CNTN1: variants seen among roughly 807,000 people sequenced by gnomAD.
The protein encoded by CNTN1 is contactin 1, also known as contactin-1.
Under a neutral mutation model 126.4 loss-of-function variants are expected in CNTN1, and 38 were observed. That is an observed-to-expected ratio of 0.30 (90% CI 0.23 to 0.39). The LOEUF (loss-of-function observed/expected upper bound fraction) is 0.39. Among genes scored for constraint, CNTN1 ranks in the 10% least tolerant of loss-of-function variants. The pLI is 1.00. For synonymous variants in CNTN1, 413 were observed against 422.6 expected (o/e 0.98, Z 0.28); for missense variants, 1,009 against 1,248.4 (o/e 0.81, Z 2.89).
At chr12:40,825,999 G>A (rs963321439) in intron 1 of CNTN1, among the ~76,000 whole-genome samples, 5 of 152,156 alleles carry the variant, frequency 3.3e-5, no homozygotes, top group Non-Finnish European at 5.9e-5. Context: ...TGTGAGAAAC[G>A]ATATTGGCTT....
At chr12:40,792,229 A>C (rs1213836736) in intron 1 of CNTN1, among the ~76,000 whole-genome samples, 1 of 152,050 alleles carries the variant, frequency 6.6e-6, no homozygotes, top group African/African-American at 2.4e-5. Flanking sequence ...GCAGCACCCA[A>C]ATCTCAGCTC....
chr12:40,758,138 C>G (rs1334629576), intron 1 of CNTN1, among the ~76,000 whole-genome samples: 2 of 150,010 alleles, frequency 1.3e-5, no homozygotes, highest in Non-Finnish European at 3.0e-5. Flanking sequence ...TAGTATGATT[C>G]TAATTGTTGC....
At chr12:40,961,608 C>T (rs958189635) in intron 15 of CNTN1, among the ~76,000 whole-genome samples, 4 of 151,752 alleles carry the variant, frequency 2.6e-5, no homozygotes, top group Non-Finnish European at 5.9e-5. Context: ...TAAAATTCTA[C>T]GTGTATGTAC....
At chr12:40,693,201 C>G (rs998637851) in intron 1 of CNTN1, among the ~76,000 whole-genome samples, 3 of 152,196 alleles carry the variant, frequency 2.0e-5, no homozygotes, top group South Asian at 4.1e-4. Context: ...AATTACGTCT[C>G]CGTTGAGAAG....
intron 1 of CNTN1, among the ~76,000 whole-genome samples, chr12:40,739,675 G>A (rs1937852012): frequency 6.6e-6 from 1 of 152,000 alleles, no homozygotes; most frequent in Non-Finnish European, 1.5e-5. Flanking sequence ...AGAAATAATT[G>A]AAACAAGTAT....
chr12:41,056,001 G>A lies in CNTN1; in HGVS notation c.2981-13958G>A, dbSNP rs553501817. 2.0e-5 allele frequency among the ~76,000 whole-genome samples: 3 copies of A among 152,104 alleles called. No homozygotes were observed. In the East Asian group the frequency reaches 5.8e-4, roughly 29 times the overall value. ...GAAGAGCCCTGATTCCTCCCGGCTT[G>A]GATTAAGTGGTACCCTAAATCCTAA... On this transcript the variant is annotated intron_variant, in intron 23 of 23. Coordinates refer to ENST00000551295, the MANE Select transcript of CNTN1 (RefSeq NM_001843.4).
At position 40,922,378 on chromosome 12, in the gene CNTN1, C is replaced by G; in HGVS notation, c.350C>G (p.Ser117Cys). The change falls in exon 5 of 24, where the codon TCT (serine) becomes TGT (cysteine). Residue 117 changes from serine to cysteine, a missense_variant. Coordinates refer to ENST00000551295, the MANE Select transcript of CNTN1 (RefSeq NM_001843.4). ...KDAGIYYCLA[S>C]NNYGMVRSTE... ...GCTGGAATATACTACTGTTTAGCAT[C>G]TAATAACTACGGGATGGTCAGAAGC... The G allele has an allele frequency of 6.2e-7, 1 of 1,614,044 alleles. No homozygotes were observed. Among genetic ancestry groups the G allele is most frequent in the Non-Finnish European group, 8.5e-7 (1 of 1,179,942 alleles).
intron 1 of CNTN1, among the ~76,000 whole-genome samples, chr12:40,887,586 C>A (rs894606079): frequency 4.0e-4 from 61 of 151,926 alleles, no homozygotes; most frequent in African/African-American, 1.4e-3. Context: ...CTAGTTCAAC[C>A]CTTGTGGAAG....
chr12:41,040,632 C>T (rs1327806301), intron 23 of CNTN1, among the ~76,000 whole-genome samples: 1 of 152,076 alleles, frequency 6.6e-6, no homozygotes, highest in East Asian at 1.9e-4. Context: ...TCCTTCACGT[C>T]CCTTGTAAGT....
intron 3 of CNTN1, among the ~76,000 whole-genome samples, chr12:40,911,187 TCTCCTGCCTCAGC>T (rs1177846975): frequency 6.6e-6 from 1 of 152,060 alleles, no homozygotes; most frequent in African/African-American, 2.4e-5. Flanking sequence ...TTCACGCCAT[TCTCCTGCCTCAGC>T]CTCCCGAGTA....
Position 41,033,909 on chromosome 12 carries a change from G to A in CNTN1, c.2980+4690G>A, listed in dbSNP as rs1285602246. On this transcript the variant is annotated intron_variant, in intron 23 of 23. Coordinates refer to ENST00000551295, the MANE Select transcript of CNTN1 (RefSeq NM_001843.4). ...AAAAAAAAAAAAAAAAATTAGCCGG[G>A]CGTGGTGGCGGGCACCTGTAGTCCC... Among the ~76,000 whole-genome samples the A allele has an allele frequency of 2.6e-5, 4 of 151,570 alleles. No individual in the cohort carries two copies. The East Asian group carries it at 5.8e-4, about 22-fold the overall frequency.
At chr12:40,862,130 G>T (rs1176030811) in intron 1 of CNTN1, among the ~76,000 whole-genome samples, 1 of 151,630 alleles carries the variant, frequency 6.6e-6, no homozygotes, top group Non-Finnish European at 1.5e-5. Flanking sequence ...CTTGTGCCCA[G>T]GAGTTTGAGG....
intron 1 of CNTN1, among the ~76,000 whole-genome samples, chr12:40,737,350 T>TGC (rs1491220930): frequency 1.8e-5 from 2 of 112,956 alleles, no homozygotes; most frequent in African/African-American, 6.9e-5. Flanking sequence ...TGTGTATATA[T>TGC]GTGTGTGTGT....
chr12:40,906,071 C>T (rs12423199), intron 1 of CNTN1, among the ~76,000 whole-genome samples: 36,513 of 152,056 alleles, frequency 0.24, 4,972 homozygotes, highest in Middle Eastern at 0.34. Flanking sequence ...GTCAGGAGAT[C>T]GAGACCATCC....
chr12:40,809,366 T>C (rs1405940721), intron 1 of CNTN1, among the ~76,000 whole-genome samples: 1 of 152,214 alleles, frequency 6.6e-6, no homozygotes, highest in Non-Finnish European at 1.5e-5. Flanking sequence ...AACTTGCTGG[T>C]ACATTAATAT....
At chr12:41,061,223 T>G (rs1347648530) in intron 23 of CNTN1, among the ~76,000 whole-genome samples, 1 of 152,338 alleles carries the variant, frequency 6.6e-6, no homozygotes. Flanking sequence ...GAGCATGTGC[T>G]TATTGGCCAG....
intron 1 of CNTN1, among the ~76,000 whole-genome samples, chr12:40,748,757 A>G (rs931852052): frequency 6.6e-6 from 1 of 152,100 alleles, no homozygotes; most frequent in African/African-American, 2.4e-5. Flanking sequence ...TACTGATTTA[A>G]TTAATGATTT....
intron 1 of CNTN1, among the ~76,000 whole-genome samples, chr12:40,789,010 T>C (rs1940129927): frequency 6.6e-6 from 1 of 152,166 alleles, no homozygotes; most frequent in Non-Finnish European, 1.5e-5. Flanking sequence ...ATAGAATCTA[T>C]AGAGGGAGTT....
Position 40,929,942 on chromosome 12 carries a change from A to G in CNTN1, c.643A>G (p.Ser215Gly), listed in dbSNP as rs138639141. ...AGGCAATTATTCCTGCTTTGTTTCC[A>G]GTCCTTCTATTACAAAGAGCGTGTT... ...DKGNYSCFVSSPSITKSVFSK... is the reference protein window; with the variant it reads ...DKGNYSCFVSGPSITKSVFSK... The change falls in exon 7 of 24, where the codon AGT becomes GGT. Residue 215 changes from serine to glycine, a missense_variant. Ser to Gly is a moderately conservative substitution (Grantham distance 56). Coordinates refer to ENST00000551295, the MANE Select transcript of CNTN1 (RefSeq NM_001843.4). 608 of 1,612,852 alleles carry G rather than the reference A, an allele frequency of 3.8e-4. 2 individuals carry two copies. Among genetic ancestry groups the G allele is most frequent in the Non-Finnish European group, 5.1e-4 (600 of 1,179,168 alleles).
Sources: gnomAD v4.1 joint callset for allele counts (sites outside exome capture counted in the v4.1 genomes callset) on GRCh38, gnomAD v4.1.1 for gene constraint, MANE v1.5 for transcripts, NCBI Gene and HGNC (gene_info 2026-07-23, HGNC 2026-07-21) for gene names.